Variants in CDON observed in about 807,000 individuals in gnomAD.
CDON encodes the protein cell adhesion associated, oncogene regulated.
In CDON, 73 loss-of-function variants were observed where a neutral mutation model predicts 120.9. The ratio of observed to expected loss-of-function variants is 0.60; its 90% CI spans 0.50 to 0.73. The LOEUF (loss-of-function observed/expected upper bound fraction) is 0.73. CDON is among the 30% of genes least tolerant of loss of function. The pLI is 0.00. For synonymous variants in CDON, 566 were observed against 573.5 expected (o/e 0.99, Z 0.19); for missense variants, 1,470 against 1,587.3 (o/e 0.93, Z 1.26).
In CDON at chr11:125,981,222, C is replaced by G; in HGVS notation, c.3103G>C (p.Gly1035Arg). The change falls in exon 17 of 20, where the codon GGC becomes CGC. Residue 1035 changes from glycine to arginine, a missense_variant. By Grantham distance (125) the Gly-to-Arg change is moderately radical. Coordinates refer to ENST00000531738, the MANE Select transcript of CDON (RefSeq NM_001378964.1). ...ASQINGNVHG[G>R]FLTNGGLSSG... Reference sequence around the variant, plus strand: ...CTGAGACCGCCATTGGTTAGGAAGCCTCCGTGAACATTTCCATTTATCTGA... The same window carrying G: ...CTGAGACCGCCATTGGTTAGGAAGCGTCCGTGAACATTTCCATTTATCTGA... The G allele has an allele frequency of 6.2e-7, 1 of 1,614,160 alleles. No homozygotes were observed. The highest frequency in any genetic ancestry group is 1.6e-4 in the Middle Eastern group (1 of 6,062).
At chr11:125,991,841 A>G (rs572039502) in intron 14 of CDON, among the ~76,000 whole-genome samples, 1 of 152,328 alleles carries the variant, frequency 6.6e-6, no homozygotes, top group East Asian at 1.9e-4. Flanking sequence ...TGTTACATTT[A>G]TAAACAAGTG....
chr11:126,050,720 C>T (rs769339835), intron 1 of CDON, among the ~76,000 whole-genome samples: 2 of 152,062 alleles, frequency 1.3e-5, no homozygotes, highest in Non-Finnish European at 2.9e-5. Context: ...CGGGGTGTGC[C>T]GTGGCTCCTC....
chr11:126,059,301 TG>T (rs1227840707), intron 1 of CDON, among the ~76,000 whole-genome samples: 1 of 152,238 alleles, frequency 6.6e-6, no homozygotes, highest in African/African-American at 2.4e-5. Context: ...GTACTTACAC[TG>T]GAGTTCACTT....
intron 18 of CDON, 48 bp from the exon 19 acceptor site, chr11:125,962,046 A>C: frequency 7.2e-7 from 1 of 1,380,388 alleles, no homozygotes; most frequent in Non-Finnish European, 1.0e-6. Context: ...AGAGGAACCA[A>C]TAATTAAAAT....
chr11:126,054,797 A>G (rs1392615715), intron 1 of CDON, among the ~76,000 whole-genome samples: 2 of 152,156 alleles, frequency 1.3e-5, no homozygotes, highest in Admixed American at 6.5e-5. Flanking sequence ...GAGTGCAAAG[A>G]AAGGGGTGGG....
At chr11:126,019,864 C>CT in intron 3 of CDON, 99 bp from the exon 4 acceptor site, 1 of 1,078,396 alleles carries the variant, frequency 9.3e-7, no homozygotes, top group Admixed American at 2.0e-5. Flanking sequence ...GCAGCACGGC[C>CT]TTTTGTGGCA....
At position 126,034,394 on chromosome 11, in the gene CDON, A is replaced by G. The variant is rs996667436; in HGVS notation, c.-61-10857T>C. On this transcript the variant is annotated intron_variant, in intron 1 of 19. Coordinates refer to ENST00000531738, the MANE Select transcript of CDON (RefSeq NM_001378964.1). This position sits in a 1 kb window ranked among gnomAD's most constrained non-coding sequence, Gnocchi z 4.5. ...AAAGGGCCCAGGACGAACCCCAGGAAAGGTCACTGAGATCAAGGGTCACAC... is the reference window on the plus strand; with the variant it reads ...AAAGGGCCCAGGACGAACCCCAGGAGAGGTCACTGAGATCAAGGGTCACAC... 6.6e-6 allele frequency among the ~76,000 whole-genome samples: 1 copy of G among 152,168 alleles called. No homozygotes were observed. Among genetic ancestry groups the G allele is most frequent in the Admixed American group, 6.5e-5 (1 of 15,284 alleles).
chr11:125,977,715 A>T (rs1565498184), intron 18 of CDON, among the ~76,000 whole-genome samples: 1 of 152,206 alleles, frequency 6.6e-6, no homozygotes, highest in Non-Finnish European at 1.5e-5. Context: ...TGTTAAATGC[A>T]CATTGCTCTC....
Position 125,960,681 on chromosome 11 carries a change from C to T in CDON, c.*261G>A, listed in dbSNP as rs1591538041. 6.4e-6 allele frequency: 3 copies of T among 471,880 alleles called. No homozygotes were observed. The East Asian group carries it at 1.2e-4, about 19-fold the overall frequency. The allele number at this position is 471,880 out of a possible 1,614,324, so 29.2% of individuals were successfully genotyped here. ...TAGAAAACATGGAAGGACCCCTCTG[C>T]CCTCCAGGTGACTGAATACTATGCA... On this transcript the variant is annotated 3_prime_UTR_variant, in exon 20 of 20. Transcript: ENST00000531738.
intron 10 of CDON, 51 bp from the exon 11 acceptor site, chr11:126,001,901 AGTGG>A (rs1394502481): frequency 7.1e-7 from 1 of 1,398,960 alleles, no homozygotes; most frequent in African/African-American, 1.4e-5. Context: ...ATGTATGTAA[AGTGG>A]AAAAAAAAGA....
At chr11:125,970,965 TA>T (rs1945964593) in intron 18 of CDON, among the ~76,000 whole-genome samples, 1 of 152,130 alleles carries the variant, frequency 6.6e-6, no homozygotes, top group Non-Finnish European at 1.5e-5. Context: ...GAGATTACCA[TA>T]GATGGAAGAG....
chr11:126,019,813 T>G (rs752193577), intron 3 of CDON, 48 bp from the exon 4 acceptor site: 90 of 1,542,724 alleles, frequency 5.8e-5, no homozygotes, highest in Non-Finnish European at 7.4e-5. Flanking sequence ...AAATTTGAAT[T>G]CTTTTTCCCA....
chr11:126,051,571 A>AC (rs1299288745), intron 1 of CDON, among the ~76,000 whole-genome samples: 2 of 150,022 alleles, frequency 1.3e-5, no homozygotes, highest in Non-Finnish European at 3.0e-5. Flanking sequence ...TATAATTAAA[A>AC]CCCCCACTGC....
At chr11:126,044,348 A>G (rs919193399) in intron 1 of CDON, among the ~76,000 whole-genome samples, 3 of 152,240 alleles carry the variant, frequency 2.0e-5, no homozygotes, top group Non-Finnish European at 4.4e-5. Flanking sequence ...CACTGTTAAC[A>G]GACTACGGTA....
At chr11:125,982,874 T>C (rs1946352752) in intron 16 of CDON, among the ~76,000 whole-genome samples, 1 of 152,180 alleles carries the variant, frequency 6.6e-6, no homozygotes, top group Non-Finnish European at 1.5e-5. Flanking sequence ...ACTTCTCTTT[T>C]CATGATTCAA....
At position 126,029,708 on chromosome 11, in the gene CDON, C is replaced by A. The variant is rs183624572; in HGVS notation, c.-61-6171G>T. On this transcript the variant is annotated intron_variant, in intron 1 of 19. Coordinates refer to ENST00000531738, the MANE Select transcript of CDON (RefSeq NM_001378964.1). ...GTCTCAAATGGAATTAGCATGACCA[C>A]GAGAAAGTTCTTCCATCTCCTTCCC... 2.6e-5 allele frequency among the ~76,000 whole-genome samples: 4 copies of A among 152,218 alleles called. No individual in the cohort carries two copies. The South Asian group carries it at 8.3e-4, about 32-fold the overall frequency.
chr11:126,054,990 C>T (rs536880900), intron 1 of CDON, among the ~76,000 whole-genome samples: 2 of 152,238 alleles, frequency 1.3e-5, no homozygotes, highest in Admixed American at 6.5e-5. Flanking sequence ...AGGCATATAA[C>T]CCTGTACATC....
chr11:126,006,512 A>G (rs1197326830), intron 8 of CDON, among the ~76,000 whole-genome samples: 1 of 152,022 alleles, frequency 6.6e-6, no homozygotes, highest in African/African-American at 2.4e-5. Flanking sequence ...TACAAAAAAC[A>G]CCAAAATTAC....
chr11:125,982,506 G>A (rs562177442), intron 16 of CDON, among the ~76,000 whole-genome samples: 3 of 152,234 alleles, frequency 2.0e-5, no homozygotes, highest in South Asian at 2.1e-4. Context: ...GTGTGCTCTC[G>A]CCCAGGTGTG....
Sources: allele counts gnomAD v4.1 joint callset (sites outside exome capture counted in the v4.1 genomes callset), GRCh38; gene constraint gnomAD v4.1.1; non-coding constraint Gnocchi (gnomAD v3.1); transcripts MANE v1.5; gene names NCBI Gene and HGNC (gene_info 2026-07-23, HGNC 2026-07-21).